Variants in HLCS observed in about 807,000 individuals in gnomAD.
HLCS encodes holocarboxylase synthetase, also known as biotin--protein ligase.
A neutral mutation model predicts 75.0 loss-of-function variants in HLCS; 53 were observed. The observed-to-expected ratio is 0.71, with a 90% confidence interval of 0.57 to 0.89. The LOEUF is 0.89. Among genes scored for constraint, HLCS ranks in the 40% least tolerant of loss-of-function variants. HLCS has a pLI of 0.00. For missense variants in HLCS, 966 were observed against 1,074.0 expected (o/e 0.90, Z 1.41); for synonymous variants, 431 against 428.6 (o/e 1.01, Z -0.07).
At chr21:36,839,979 G>T (rs75216317) in intron 6 of HLCS, among the ~76,000 whole-genome samples, 1 of 152,232 alleles carries the variant, frequency 6.6e-6, no homozygotes, top group Non-Finnish European at 1.5e-5. Context: ...TTTTGGAAGT[G>T]CTTTCCAAGG....
intron 1 of HLCS, among the ~76,000 whole-genome samples, chr21:36,987,628 T>C (rs1046575937): frequency 1.3e-5 from 2 of 152,066 alleles, no homozygotes; most frequent in East Asian, 1.9e-4. Flanking sequence ...AAACGAAAAG[T>C]TGTGTTATCC....
intron 6 of HLCS, among the ~76,000 whole-genome samples, chr21:36,852,192 T>G (rs2063033700): frequency 6.6e-6 from 1 of 152,250 alleles, no homozygotes; most frequent in Non-Finnish European, 1.5e-5. Context: ...CCAAAGAAAT[T>G]CCTGTCTGGT....
At chr21:36,950,490 A>G (rs917516729) in intron 2 of HLCS, among the ~76,000 whole-genome samples, 22 of 151,968 alleles carry the variant, frequency 1.4e-4, no homozygotes, top group African/African-American at 5.3e-4. Flanking sequence ...AGAGGAAGAC[A>G]GGGTCTCACA....
chr21:36,945,486 G>A (rs1259959262), intron 2 of HLCS, among the ~76,000 whole-genome samples: 1 of 152,158 alleles, frequency 6.6e-6, no homozygotes, highest in Non-Finnish European at 1.5e-5. Context: ...AAAGGAATGA[G>A]AATGAACTAC....
At chr21:36,969,407 A>G (rs1332322174), upstream of HLCS, among the ~76,000 whole-genome samples, 2 of 152,066 alleles carry the variant, frequency 1.3e-5, no homozygotes, top group African/African-American at 2.4e-5. Flanking sequence ...CCTAGGCCCC[A>G]CCCAACCCCA....
intron 6 of HLCS, among the ~76,000 whole-genome samples, chr21:36,809,410 G>A (rs1168590018): frequency 2.0e-5 from 3 of 152,156 alleles, no homozygotes; most frequent in East Asian, 1.9e-4. Context: ...AAGAACCAGC[G>A]TGGGATTTTT....
chr21:36,836,662 T>G (rs952186239), intron 6 of HLCS, among the ~76,000 whole-genome samples: 3 of 151,020 alleles, frequency 2.0e-5, no homozygotes, highest in Non-Finnish European at 4.4e-5. Flanking sequence ...CAAACAAATT[T>G]ACAAGAAAAA....
At chr21:36,960,892 T>TG (rs2068254661) in intron 2 of HLCS, among the ~76,000 whole-genome samples, 1 of 152,180 alleles carries the variant, frequency 6.6e-6, no homozygotes, top group African/African-American at 2.4e-5. Flanking sequence ...CAACTGGATG[T>TG]GGGTCCAGAA....
At chr21:36,758,134 C>T (rs2089677909) in intron 9 of HLCS, among the ~76,000 whole-genome samples, 1 of 152,028 alleles carries the variant, frequency 6.6e-6, no homozygotes. Flanking sequence ...GAGACGGGGT[C>T]TCACTCCAGT....
intron 1 of HLCS, among the ~76,000 whole-genome samples, chr21:36,986,425 T>C (rs1436375831): frequency 1.3e-5 from 2 of 152,114 alleles, no homozygotes; most frequent in African/African-American, 2.4e-5. Flanking sequence ...TTTTCGTTTG[T>C]TTTTTGGTTT....
upstream of HLCS, among the ~76,000 whole-genome samples, chr21:36,967,906 G>C (rs1569264433): frequency 6.6e-6 from 1 of 152,170 alleles, no homozygotes; most frequent in Non-Finnish European, 1.5e-5. Context: ...TTTTAGTAGA[G>C]ACAGGGTTTC....
chr21:36,853,547 A>G (rs2063086179), intron 6 of HLCS, among the ~76,000 whole-genome samples: 1 of 152,184 alleles, frequency 6.6e-6, no homozygotes, highest in African/African-American at 2.4e-5. Flanking sequence ...AACCATTTCA[A>G]TTTTCTCAAA....
chr21:36,975,573 A>C (rs924005704), intron 1 of HLCS, among the ~76,000 whole-genome samples: 3 of 152,100 alleles, frequency 2.0e-5, no homozygotes, highest in Non-Finnish European at 4.4e-5. Flanking sequence ...AAGACCTTCC[A>C]CTGAGCCTAA....
rs149193522 is a variant in HLCS, at chr21:36,954,850, G to T, written c.330+7186C>A. 4.8e-3 allele frequency among the ~76,000 whole-genome samples: 731 copies of T among 152,094 alleles called. 5 individuals are homozygous for T. Among genetic ancestry groups the T allele is most frequent in the African/African-American group, 0.016 (668 of 41,496 alleles). On this transcript the variant is annotated intron_variant, in intron 2 of 10. Transcript: ENST00000674895. ...GGCCGAGGCGGGGGGATCACTTGAG[G>T]TCAAGGGTTTGAGACCAGTCTGGCC...
rs1432094839 is a variant in HLCS at position 36,829,765 on chromosome 21, GACTT to G, written c.1893-62484_1893-62481del. On this transcript the variant is annotated intron_variant, in intron 6 of 10. Coordinates refer to ENST00000674895, the MANE Select transcript of HLCS (RefSeq NM_001352514.2). The stretch of plus-strand genomic sequence containing the variant: ...CCCACTCTATTCCCTTCCCAGAGAG[GACTT>G]ACTTAAGTTCCAGAGTGAAGCCAGC... 3.3e-5 allele frequency among the ~76,000 whole-genome samples: 5 copies of G among 152,216 alleles called. 1 individual carries two copies. Among genetic ancestry groups the G allele is most frequent in the South Asian group, 4.2e-4 (2 of 4,810 alleles).
chr21:36,927,318 G>T (rs111347487), intron 5 of HLCS, among the ~76,000 whole-genome samples: 1 of 152,188 alleles, frequency 6.6e-6, no homozygotes, highest in Non-Finnish European at 1.5e-5. Flanking sequence ...CGCTACCATG[G>T]TGTCTGGGTG....
intron 6 of HLCS, among the ~76,000 whole-genome samples, chr21:36,848,271 GTT>G (rs59079731): frequency 2.9e-5 from 4 of 138,524 alleles, no homozygotes; most frequent in South Asian, 2.3e-4. Flanking sequence ...CATAATTGTT[GTT>G]TTTTTTTTTT....
intron 6 of HLCS, among the ~76,000 whole-genome samples, chr21:36,845,238 AC>A (rs2062756509): frequency 6.6e-6 from 1 of 152,010 alleles, no homozygotes; most frequent in Non-Finnish European, 1.5e-5. Context: ...ACAGCCGGCC[AC>A]TCGGCCCCGA....
At chr21:36,923,697 T>C (rs1265076081) in intron 5 of HLCS, among the ~76,000 whole-genome samples, 1 of 152,200 alleles carries the variant, frequency 6.6e-6, no homozygotes, top group African/African-American at 2.4e-5. Flanking sequence ...ACACAGTAGC[T>C]GAAAAGCCTT....
Sources: allele counts gnomAD v4.1 joint callset (sites outside exome capture counted in the v4.1 genomes callset), GRCh38; gene constraint gnomAD v4.1.1; transcripts MANE v1.5; gene names NCBI Gene and HGNC (gene_info 2026-07-23, HGNC 2026-07-21).